The following RPS6KC1 variants were observed in gnomAD, a reference collection of about 807,000 sequenced individuals.
RPS6KC1 encodes the protein inactive ribosomal protein S6 kinase delta-1.
RPS6KC1 carries 54 observed loss-of-function variants against 103.8 expected under a neutral mutation model. That is an observed-to-expected ratio of 0.52 (90% CI 0.42 to 0.65). RPS6KC1 has a LOEUF of 0.65. RPS6KC1 is among the 30% of genes least tolerant of loss of function. The probability of loss-of-function intolerance (pLI) is 0.00; values close to 1 mark genes in which losing one functional copy is unlikely to be tolerated. For synonymous variants in RPS6KC1, 439 were observed against 438.7 expected, an observed-to-expected ratio of 1.00 and a Z score of -0.01; for missense variants, 1,151 against 1,253.8, an observed-to-expected ratio of 0.92 and a Z score of 1.24.
At chr1:213,517,231 A>G in the RPS6KC1 span, among the ~76,000 whole-genome samples, 1 of 151,774 alleles carries the variant, frequency 6.6e-6, no homozygotes, top group Admixed American at 6.6e-5. Context: ...TATTTCCTTC[A>G]GTTCTGCTCT....
the RPS6KC1 span, among the ~76,000 whole-genome samples, chr1:213,779,835 C>G: frequency 5.0e-4 from 76 of 152,224 alleles, no homozygotes; most frequent in African/African-American, 1.8e-3. Context: ...CTTTCTTTTT[C>G]TCAAATATAG....
chr1:213,676,283 A>T, the RPS6KC1 span, among the ~76,000 whole-genome samples: 1 of 152,168 alleles, frequency 6.6e-6, no homozygotes. Flanking sequence ...ACTGTGGCTT[A>T]TCATTCTGTC....
chr1:213,514,473 A>G, the RPS6KC1 span, among the ~76,000 whole-genome samples: 4 of 147,430 alleles, frequency 2.7e-5, no homozygotes, highest in African/African-American at 1.0e-4. Context: ...GAGTGAGAAC[A>G]TGTGGTGTTT....
At chr1:213,421,929 A>G in the RPS6KC1 span, among the ~76,000 whole-genome samples, 2 of 152,178 alleles carry the variant, frequency 1.3e-5, no homozygotes, top group Non-Finnish European at 2.9e-5. Context: ...TTTACTATTT[A>G]TGTGTTTTAA....
chr1:213,202,954 C>G (rs1414935609), intron 8 of RPS6KC1, among the ~76,000 whole-genome samples: 1 of 152,048 alleles, frequency 6.6e-6, no homozygotes, highest in African/African-American at 2.4e-5. Flanking sequence ...TTGTTTTCCT[C>G]TTTTTTTCTG....
At chr1:213,860,019 G>GA in the RPS6KC1 span, among the ~76,000 whole-genome samples, 1 of 151,184 alleles carries the variant, frequency 6.6e-6, no homozygotes, top group Non-Finnish European at 1.5e-5. Flanking sequence ...TTGAGATCAG[G>GA]AAAAAATGGA....
chr1:213,678,926 G>A, the RPS6KC1 span, among the ~76,000 whole-genome samples: 1 of 152,178 alleles, frequency 6.6e-6, no homozygotes, highest in South Asian at 2.1e-4. Flanking sequence ...TGGCTCTAAT[G>A]TGGGTAAAAC....
the RPS6KC1 span, among the ~76,000 whole-genome samples, chr1:213,856,365 TAC>T: frequency 0.29 from 43,767 of 151,792 alleles, 7,123 homozygotes; most frequent in East Asian, 0.49. Context: ...CACATGCACA[TAC>T]ACACACACAT....
chr1:213,363,625 GCTTTCTTTCTTTCTTTCTTT>G, the RPS6KC1 span, among the ~76,000 whole-genome samples: 1,387 of 73,692 alleles, frequency 0.019, 66 homozygotes, highest in East Asian at 0.03. Flanking sequence ...TTGCTTGCTT[GCTTTCTTTCTTTCTTTCTTT>G]CTTTCTTTCT....
At chr1:213,345,782 TTCTGCTCCTTTGACAC>T in the RPS6KC1 span, among the ~76,000 whole-genome samples, 1 of 152,304 alleles carries the variant, frequency 6.6e-6, no homozygotes, top group East Asian at 1.9e-4. Context: ...ACACTTTCTG[TTCTGCTCCTTTGACAC>T]TCTGCTCCTT....
intron 8 of RPS6KC1, among the ~76,000 whole-genome samples, chr1:213,180,339 A>G (rs766431487): frequency 1.3e-5 from 2 of 152,214 alleles, no homozygotes; most frequent in Non-Finnish European, 2.9e-5. Context: ...AAAGGTAGTT[A>G]GGGAAGAGAC....
At chr1:213,732,601 C>A in the RPS6KC1 span, among the ~76,000 whole-genome samples, 2 of 152,114 alleles carry the variant, frequency 1.3e-5, no homozygotes, top group Non-Finnish European at 2.9e-5. Context: ...TACCTTCTGG[C>A]AAAAGATTGC....
the RPS6KC1 span, among the ~76,000 whole-genome samples, chr1:213,472,416 A>G: frequency 4.6e-5 from 7 of 152,186 alleles, no homozygotes; most frequent in African/African-American, 1.4e-4. Flanking sequence ...TTGACATTAC[A>G]TTGGACCATG....
At chr1:213,274,792 T>G (rs2095107370), downstream of RPS6KC1, 1 of 152,202 alleles carries the variant, frequency 6.6e-6, no homozygotes, top group Admixed American at 6.5e-5. Context: ...TCATTTGATT[T>G]TTTTATCGTA....
At chr1:213,209,091 G>A (rs976549234) in intron 8 of RPS6KC1, among the ~76,000 whole-genome samples, 14 of 151,920 alleles carry the variant, frequency 9.2e-5, no homozygotes, top group African/African-American at 2.7e-4. Flanking sequence ...GCTACAGCCC[G>A]TTGAACTTGG....
intron 13 of RPS6KC1, among the ~76,000 whole-genome samples, chr1:213,262,201 A>G (rs1387402351): frequency 1.3e-5 from 2 of 152,166 alleles, no homozygotes; most frequent in Admixed American, 1.3e-4. Flanking sequence ...GAAGAAAATG[A>G]AGGAAATGAA....
chr1:213,521,393 C>T, the RPS6KC1 span, among the ~76,000 whole-genome samples: 1 of 152,234 alleles, frequency 6.6e-6, no homozygotes, highest in East Asian at 1.9e-4. Context: ...GTGAGTCAAT[C>T]TCTCTACTTG....
the RPS6KC1 span, among the ~76,000 whole-genome samples, chr1:213,284,380 G>A: frequency 6.6e-6 from 1 of 152,060 alleles, no homozygotes; most frequent in African/African-American, 2.4e-5. Flanking sequence ...GAGCATGGTG[G>A]TGCACACCTG....
intron 6 of RPS6KC1, among the ~76,000 whole-genome samples, chr1:213,148,112 CA>C (rs1045202854): frequency 2.6e-5 from 4 of 152,100 alleles, no homozygotes; most frequent in Non-Finnish European, 5.9e-5. Context: ...TAAGTTTTTC[CA>C]AATACACGGT....
Sources: gnomAD v4.1 joint callset for allele counts (sites outside exome capture counted in the v4.1 genomes callset) on GRCh38, gnomAD v4.1.1 for gene constraint, MANE v1.5 for transcripts, NCBI Gene and HGNC (gene_info 2026-07-23, HGNC 2026-07-21) for gene names.